Variants in SHC3 observed in about 807,000 individuals in gnomAD.
SHC3 encodes SHC adaptor protein 3.
Under a neutral mutation model 60.4 loss-of-function variants are expected in SHC3, and 15 were observed. The observed-to-expected ratio is 0.25, with a 90% CI of 0.17 to 0.38. SHC3 has a LOEUF of 0.38. Among genes scored for constraint, SHC3 ranks in the 10% least tolerant of loss-of-function variants. The pLI, the probability that SHC3 is intolerant of heterozygous loss-of-function variation, is 1.00. For synonymous variants in SHC3, 294 were observed against 325.9 expected, an observed-to-expected ratio of 0.90 and a Z score of 1.05; for missense variants, 677 against 786.1, an observed-to-expected ratio of 0.86 and a Z score of 1.66.
At chr9:89,109,624 C>T in intron 2 of SHC3, 4 of 985,490 alleles carry the variant, frequency 4.1e-6, no homozygotes, top group African/African-American at 3.5e-5. Context: ...GAGATCTTGT[C>T]TGGCCTGCTC....
intron 6 of SHC3, among the ~76,000 whole-genome samples, chr9:89,059,868 TG>T (rs1825051611): frequency 1.7e-5 from 2 of 120,180 alleles, no homozygotes; most frequent in South Asian, 2.8e-4. Flanking sequence ...TGGTGGAGGA[TG>T]GTGGTGGAGG....
In SHC3 at chr9:89,011,922, G is replaced by A. The variant is rs1189912599; in HGVS notation, c.*1525C>T. On this transcript the variant is annotated 3_prime_UTR_variant, in exon 12 of 12. Transcript: ENST00000375835. ...CACACGCACACCCCAAGGCAGAAAT[G>A]GGGCTCATACCATTGGCATTAGAAC... 1.3e-5 allele frequency: 2 copies of A among 152,270 alleles called. No individual in the cohort carries two copies. The highest frequency in any genetic ancestry group is 2.9e-5 in the Non-Finnish European group (2 of 68,120). The allele number at this position is 152,270 out of a possible 1,614,324, so 9.4% of individuals were successfully genotyped here. A position where few individuals can be genotyped will look rare whatever the true frequency, so the allele number is the denominator to read the frequency against.
In SHC3 at chr9:89,042,845, C is replaced by T. The variant is rs980091907; in HGVS notation, c.1202-661G>A. 4.6e-5 allele frequency among the ~76,000 whole-genome samples: 7 copies of T among 152,022 alleles called. No homozygotes were observed. The South Asian group carries it at 6.2e-4, about 14-fold the overall frequency. On this transcript the variant is annotated intron_variant, in intron 9 of 11. Transcript: ENST00000375835. Reference sequence around the variant, plus strand: ...GGCTAGGCCAAGGCTGTTCTGTCACCGAGACCTAGTGTGAAAGACCTAGTG... The same window carrying T: ...GGCTAGGCCAAGGCTGTTCTGTCACTGAGACCTAGTGTGAAAGACCTAGTG...
chr9:89,126,844 T>C (rs1314750014), intron 1 of SHC3, among the ~76,000 whole-genome samples: 2 of 152,222 alleles, frequency 1.3e-5, no homozygotes, highest in East Asian at 3.9e-4. Flanking sequence ...TACCTTAGTA[T>C]AGACATGGGC....
chr9:89,147,247 C>G (rs547815138), intron 1 of SHC3, among the ~76,000 whole-genome samples: 1 of 152,218 alleles, frequency 6.6e-6, no homozygotes, highest in Non-Finnish European at 1.5e-5. Flanking sequence ...CTGTGCCACA[C>G]TCATCTTGGT....
intron 7 of SHC3, 111 bp downstream of exon 7, chr9:89,051,926 G>A: frequency 1.4e-6 from 2 of 1,469,462 alleles, no homozygotes; most frequent in South Asian, 2.6e-5. Flanking sequence ...AGCCCAGGAA[G>A]CCCTGTGATT....
chr9:89,028,974 T>C (rs1452992690), intron 11 of SHC3, among the ~76,000 whole-genome samples: 1 of 149,366 alleles, frequency 6.7e-6, no homozygotes, highest in East Asian at 1.9e-4. Flanking sequence ...GCAGAATATA[T>C]ATATAGATAT....
chr9:89,125,019 C>G (rs1826144619), intron 1 of SHC3, among the ~76,000 whole-genome samples: 1 of 152,098 alleles, frequency 6.6e-6, no homozygotes, highest in South Asian at 2.1e-4. Flanking sequence ...AGAAAGTCAT[C>G]ATGTGGGGCA....
intron 2 of SHC3, among the ~76,000 whole-genome samples, chr9:89,085,060 A>G (rs555188444): frequency 6.6e-6 from 1 of 152,334 alleles, no homozygotes; most frequent in South Asian, 2.1e-4. Context: ...TCTCAGTTCC[A>G]CTGATTCCTT....
chr9:89,061,212 TA>T (rs200959593), intron 6 of SHC3, among the ~76,000 whole-genome samples: 14 of 152,008 alleles, frequency 9.2e-5, no homozygotes, highest in Non-Finnish European at 1.9e-4. Context: ...ACCACCTGGT[TA>T]AAAAAAATAA....
chr9:89,085,221 C>T lies in SHC3; in HGVS notation c.546-7318G>A, dbSNP rs562457255. Among the ~76,000 whole-genome samples, 5 of 152,324 alleles carry T rather than the reference C, an allele frequency of 3.3e-5. No homozygotes were observed. In the South Asian group the frequency reaches 8.3e-4, roughly 25 times the overall value. On this transcript the variant is annotated intron_variant, in intron 2 of 11. Coordinates refer to ENST00000375835, the MANE Select transcript of SHC3 (RefSeq NM_016848.6). ...AAGTGCTCTGAAGGCATTATGTGTGCATCCCATGAAGCTCAGGGCAAGTCT... is the reference window on the plus strand; with the variant it reads ...AAGTGCTCTGAAGGCATTATGTGTGTATCCCATGAAGCTCAGGGCAAGTCT...
chr9:89,133,528 T>C (rs1408840136), intron 1 of SHC3, among the ~76,000 whole-genome samples: 18 of 152,120 alleles, frequency 1.2e-4, no homozygotes, highest in Admixed American at 1.2e-3. Flanking sequence ...CCACCAAGGA[T>C]AGACTGGATT....
intron 11 of SHC3, among the ~76,000 whole-genome samples, chr9:89,022,125 G>A (rs1004753011): frequency 1.3e-5 from 2 of 152,042 alleles, no homozygotes; most frequent in Non-Finnish European, 2.9e-5. Context: ...AGGGAACTCC[G>A]CCCCACCCCA....
Position 89,006,517 on chromosome 9 carries a change from T to C in SHC3, c.*6930A>G, listed in dbSNP as rs569691261. 3 of 152,372 alleles carry C rather than the reference T, an allele frequency of 2.0e-5. No individual in the cohort carries two copies. The highest frequency in any genetic ancestry group is 7.2e-5 in the African/African-American group (3 of 41,600). The allele number at this position is 152,372 out of a possible 1,614,324, so 9.4% of individuals were successfully genotyped here. A position where few individuals can be genotyped will look rare whatever the true frequency, so the allele number is the denominator to read the frequency against. On this transcript the variant is annotated 3_prime_UTR_variant, in exon 12 of 12. Coordinates refer to ENST00000375835, the MANE Select transcript of SHC3 (RefSeq NM_016848.6). ...ATTGGCAATACGCCAAGACATAGAC[T>C]GTTACAGTAATTCTTTTTGTTTCAC...
intron 1 of SHC3, among the ~76,000 whole-genome samples, chr9:89,168,826 A>G (rs1826827472): frequency 6.6e-6 from 1 of 152,290 alleles, no homozygotes; most frequent in African/African-American, 2.4e-5. Context: ...CCCTTGTCCA[A>G]TCAGTTGAGG....
rs560630859 is a variant in SHC3, at chr9:89,071,587, G to T, written c.730-335C>A. 9.2e-5 allele frequency among the ~76,000 whole-genome samples: 14 copies of T among 152,234 alleles called. No homozygotes were observed. The South Asian group carries it at 1.2e-3, about 14-fold the overall frequency. On this transcript the variant is annotated intron_variant, in intron 4 of 11. Coordinates refer to ENST00000375835, the MANE Select transcript of SHC3 (RefSeq NM_016848.6). Reference sequence around the variant, plus strand: ...GACAGCTGGTGATTAGCAGAGCTGCGATCTAACACGGGGGCGTATAGAGCA... The same window carrying T: ...GACAGCTGGTGATTAGCAGAGCTGCTATCTAACACGGGGGCGTATAGAGCA...
intron 1 of SHC3, 81 bp downstream of exon 1, chr9:89,177,906 C>T (rs1399944585): frequency 2.6e-6 from 3 of 1,142,304 alleles, no homozygotes; most frequent in South Asian, 4.4e-5. Flanking sequence ...CCCCGCACCC[C>T]GGGCTTCAGG....
chr9:89,007,499 C>T lies in SHC3; in HGVS notation c.*5948G>A. 6.6e-6 allele frequency: 1 copy of T among 152,292 alleles called. No homozygotes were observed. The highest frequency in any genetic ancestry group is 1.5e-5 in the Non-Finnish European group (1 of 68,084). 9.4% of individuals were successfully genotyped at this position (152,292 alleles called of 1,614,324 possible). On this transcript the variant is annotated 3_prime_UTR_variant, in exon 12 of 12. Transcript: ENST00000375835. ...CACCATCCCAGTACAGGGCCAGCCACATATTAACTAATGCACAAATGAGGC... is the reference window on the plus strand; with the variant it reads ...CACCATCCCAGTACAGGGCCAGCCATATATTAACTAATGCACAAATGAGGC...
At chr9:89,038,342 TAA>T (rs4061828) in intron 10 of SHC3, 54 bp from the exon 11 acceptor site, 100,413 of 1,208,358 alleles carry the variant, frequency 0.083, 26 homozygotes, top group Middle Eastern at 0.1. Context: ...GAGCAAATGA[TAA>T]AAAAAAAAAA....
Sources: allele counts gnomAD v4.1 joint callset (sites outside exome capture counted in the v4.1 genomes callset), GRCh38; gene constraint gnomAD v4.1.1; transcripts MANE v1.5; gene names NCBI Gene and HGNC (gene_info 2026-07-23, HGNC 2026-07-21).